The following LHFPL3 variants were observed in gnomAD, a reference collection of about 807,000 sequenced individuals.
The protein encoded by LHFPL3 is LHFPL tetraspan subfamily member 3 protein.
LHFPL3 carries 5 observed loss-of-function variants against 19.3 expected under a neutral mutation model. The ratio of observed to expected loss-of-function variants is 0.26; its 90% CI spans 0.14 to 0.54. The LOEUF is 0.54. LHFPL3 is among the 20% of genes least tolerant of loss of function. The pLI, the probability that LHFPL3 is intolerant of heterozygous loss-of-function variation, is 0.94. For missense variants in LHFPL3, 249 were observed against 307.4 expected, an observed-to-expected ratio of 0.81 and a Z score of 1.42; for synonymous variants, 133 against 126.2, an observed-to-expected ratio of 1.05 and a Z score of -0.36.
intron 2 of LHFPL3, among the ~76,000 whole-genome samples, chr7:104,873,439 T>C (rs572989830): frequency 2.0e-5 from 3 of 152,200 alleles, no homozygotes; most frequent in South Asian, 2.1e-4. Flanking sequence ...CTGGGCAACA[T>C]AGCAAAACTC....
chr7:104,588,735 C>T (rs1790639990), intron 1 of LHFPL3, among the ~76,000 whole-genome samples: 1 of 152,174 alleles, frequency 6.6e-6, no homozygotes, highest in South Asian at 2.1e-4. Context: ...AATATTGATT[C>T]TTCCTATCCA....
In LHFPL3 at chr7:104,521,591, G is replaced by A. The variant is rs1459138282; in HGVS notation, c.445+192367G>A. Among the ~76,000 whole-genome samples the A allele has an allele frequency of 5.3e-5, 8 of 152,022 alleles. No individual in the cohort carries two copies. The East Asian group carries it at 1.5e-3, about 29-fold the overall frequency. ...CACAGCAAAAGAAACTACCATCAGA[G>A]TGAACAGGCAACCTACAAAATGGGA... On this transcript the variant is annotated intron_variant, in intron 1 of 2. Transcript: ENST00000424859.
At chr7:104,676,571 A>G (rs1054359244) in intron 1 of LHFPL3, among the ~76,000 whole-genome samples, 2 of 152,232 alleles carry the variant, frequency 1.3e-5, no homozygotes, top group Non-Finnish European at 2.9e-5. Context: ...TTTATCAGGC[A>G]TACCTGGTCT....
At chr7:104,650,826 T>A (rs1421025849) in intron 1 of LHFPL3, among the ~76,000 whole-genome samples, 1 of 152,070 alleles carries the variant, frequency 6.6e-6, no homozygotes, top group African/African-American at 2.4e-5. Flanking sequence ...TAAAGCAAAA[T>A]GGACAACCGC....
chr7:104,823,893 C>A (rs909421934), intron 2 of LHFPL3, among the ~76,000 whole-genome samples: 15 of 151,784 alleles, frequency 9.9e-5, no homozygotes, highest in African/African-American at 3.6e-4. Flanking sequence ...CACCTCTAAT[C>A]CCAGCACTTT....
At chr7:104,875,644 G>T (rs1584591769) in intron 2 of LHFPL3, among the ~76,000 whole-genome samples, 1 of 152,178 alleles carries the variant, frequency 6.6e-6, no homozygotes, top group Non-Finnish European at 1.5e-5. Context: ...GAGGAGATTT[G>T]TCAGACCTTA....
At chr7:104,543,585 T>A (rs1794527660) in intron 1 of LHFPL3, among the ~76,000 whole-genome samples, 1 of 151,562 alleles carries the variant, frequency 6.6e-6, no homozygotes, top group South Asian at 2.1e-4. Context: ...TATGCAGCCA[T>A]AAAAAATGAA....
chr7:104,546,209 T>C (rs1031325956), intron 1 of LHFPL3, among the ~76,000 whole-genome samples: 3 of 152,216 alleles, frequency 2.0e-5, no homozygotes, highest in African/African-American at 7.2e-5. Context: ...GTTTGCATCC[T>C]GACTTTGAAA....
chr7:104,659,416 G>A (rs1268226491), intron 1 of LHFPL3, among the ~76,000 whole-genome samples: 1 of 152,146 alleles, frequency 6.6e-6, no homozygotes, highest in East Asian at 1.9e-4. Flanking sequence ...ATTGTTGTTC[G>A]GTCATTCAGT....
At chr7:104,607,036 C>T (rs1791116131) in intron 1 of LHFPL3, among the ~76,000 whole-genome samples, 1 of 152,188 alleles carries the variant, frequency 6.6e-6, no homozygotes, top group Non-Finnish European at 1.5e-5. Flanking sequence ...ACCTTATGAC[C>T]ACTGACCACG....
At chr7:104,411,125 T>A (rs1287297178) in intron 1 of LHFPL3, among the ~76,000 whole-genome samples, 2 of 152,216 alleles carry the variant, frequency 1.3e-5, no homozygotes, top group African/African-American at 4.8e-5. Context: ...ATGAGTTTAG[T>A]TGTATGGAAC....
chr7:104,798,303 T>C (rs764500374), intron 2 of LHFPL3: 2 of 152,138 alleles, frequency 1.3e-5, no homozygotes. Context: ...TTAAGTTAAA[T>C]AAATTACTCA....
chr7:104,449,423 A>C (rs1792389305), intron 1 of LHFPL3, among the ~76,000 whole-genome samples: 1 of 152,320 alleles, frequency 6.6e-6, no homozygotes, highest in East Asian at 1.9e-4. Flanking sequence ...GCCAATTTCT[A>C]AATGTACTTT....
rs1054778727 is a variant in LHFPL3, at chr7:104,328,972, G to A, written c.193G>A (p.Val65Met). Residue 65 changes from valine to methionine, a missense_variant, in exon 1 of 3, where the codon GTG becomes ATG. Val to Met is a conservative substitution (Grantham distance 21). Transcript: ENST00000424859. The surrounding 1 kb of genome is among the most constrained non-coding windows in gnomAD (Gnocchi z 4.6). ...CCAGCCCTACTGGATAGGCGACGGC[G>A]TGGACACCCCGCAAGCCGGCTATTT... Reference protein sequence around the residue: ...FIQPYWIGDGVDTPQAGYFGL... With the variant: ...FIQPYWIGDGMDTPQAGYFGL... 1 of 1,614,206 alleles carries A rather than the reference G, an allele frequency of 6.2e-7. No individual in the cohort carries two copies.
chr7:104,624,077 G>A (rs4730029), intron 1 of LHFPL3, among the ~76,000 whole-genome samples: 138,756 of 152,266 alleles, frequency 0.91, 63,672 homozygotes, highest in East Asian at 0.99. Context: ...ATGTTCCTTG[G>A]TGTTGTTATT....
rs1306539826 is a variant in LHFPL3, at chr7:104,489,243, C to A, written c.445+160019C>A. Among the ~76,000 whole-genome samples the A allele has an allele frequency of 5.0e-4, 29 of 58,522 alleles. 7 individuals carry two copies. Among genetic ancestry groups the A allele is most frequent in the African/African-American group, 1.4e-3 (29 of 20,948 alleles). The allele number at this position is 58,522 out of a possible 152,430, so 38.4% of individuals were successfully genotyped here. A position where few individuals can be genotyped will look rare whatever the true frequency, so the allele number is the denominator to read the frequency against. ...GACTACAGGCGCCCGCCACTACGCC[C>A]GGCTAATTTTTTGTATTTTTAGTAG... On this transcript the variant is annotated intron_variant, in intron 1 of 2. Transcript: ENST00000424859.
chr7:104,904,108 CATT>C (rs755961603), intron 2 of LHFPL3, among the ~76,000 whole-genome samples: 8 of 152,152 alleles, frequency 5.3e-5, no homozygotes, highest in Non-Finnish European at 7.3e-5. Flanking sequence ...CTCAGATAAT[CATT>C]ATAGACTAAT....
At chr7:104,776,086 G>A (rs945000783) in intron 2 of LHFPL3, among the ~76,000 whole-genome samples, 1 of 152,130 alleles carries the variant, frequency 6.6e-6, no homozygotes, top group African/African-American at 2.4e-5. Context: ...ATGGTATAAC[G>A]CCAGTGGGTT....
chr7:104,657,628 GC>G (rs1329922236), intron 1 of LHFPL3, among the ~76,000 whole-genome samples: 1 of 152,200 alleles, frequency 6.6e-6, no homozygotes, highest in Non-Finnish European at 1.5e-5. Flanking sequence ...ATGTGAAGGT[GC>G]CTGGATGTAA....
Sources: gnomAD v4.1 joint callset for allele counts (sites outside exome capture counted in the v4.1 genomes callset) on GRCh38, gnomAD v4.1.1 for gene constraint, Gnocchi (gnomAD v3.1) non-coding constraint, MANE v1.5 for transcripts, NCBI Gene and HGNC (gene_info 2026-07-23, HGNC 2026-07-21) for gene names.